Variants in SGCZ observed in about 807,000 individuals in gnomAD.
The protein encoded by SGCZ is sarcoglycan zeta, also known as zeta-sarcoglycan.
Under a neutral mutation model 41.3 loss-of-function variants are expected in SGCZ, and 40 were observed. The observed-to-expected ratio is 0.97, with a 90% confidence interval of 0.75 to 1.26. The LOEUF is 1.26. Among genes scored for constraint, SGCZ ranks in the 50% most tolerant of loss-of-function variants. The pLI is 0.00. For synonymous variants in SGCZ, 206 were observed against 137.5 expected (o/e 1.50, Z -3.49); for missense variants, 552 against 369.8 (o/e 1.49, Z -4.04).
chr8:14,959,671 A>G (rs1419591858), intron 1 of SGCZ, among the ~76,000 whole-genome samples: 1 of 152,168 alleles, frequency 6.6e-6, no homozygotes, highest in Non-Finnish European at 1.5e-5. Context: ...TTCCAGAGAA[A>G]AAGGTAGTCC....
intron 1 of SGCZ, among the ~76,000 whole-genome samples, chr8:15,139,748 T>C (rs1202085783): frequency 1.3e-5 from 2 of 151,592 alleles, no homozygotes; most frequent in Non-Finnish European, 2.9e-5. Flanking sequence ...CTACTTCAGG[T>C]CCTCAGACCT....
At chr8:14,336,368 C>A (rs1802506186) in intron 2 of SGCZ, among the ~76,000 whole-genome samples, 1 of 152,056 alleles carries the variant, frequency 6.6e-6, no homozygotes, top group African/African-American at 2.4e-5. Flanking sequence ...GATTCTATGT[C>A]TTTGATATTA....
At chr8:14,712,208 C>G (rs552224797) in intron 1 of SGCZ, among the ~76,000 whole-genome samples, 1 of 151,154 alleles carries the variant, frequency 6.6e-6, no homozygotes, top group South Asian at 2.1e-4. Flanking sequence ...TTTTCATGAT[C>G]TTGCTTTTGA....
At chr8:14,380,791 G>A (rs750774117) in intron 2 of SGCZ, among the ~76,000 whole-genome samples, 40 of 152,204 alleles carry the variant, frequency 2.6e-4, no homozygotes, top group Non-Finnish European at 4.6e-4. Flanking sequence ...CCCAGGAGGC[G>A]GAGCTTGCAG....
At chr8:15,094,493 G>A (rs910841214) in intron 1 of SGCZ, among the ~76,000 whole-genome samples, 4 of 152,152 alleles carry the variant, frequency 2.6e-5, no homozygotes, top group African/African-American at 9.7e-5. Context: ...CGGGAATTCA[G>A]TGACAGAAAA....
intron 1 of SGCZ, among the ~76,000 whole-genome samples, chr8:14,734,546 A>G (rs1168071295): frequency 6.6e-6 from 1 of 152,158 alleles, no homozygotes; most frequent in African/African-American, 2.4e-5. Context: ...ATATTTGCCC[A>G]TTAGTCTTTT....
chr8:14,356,380 C>G lies in SGCZ; in HGVS notation c.235-32176G>C, dbSNP rs548938445. On this transcript the variant is annotated intron_variant, in intron 2 of 7. Coordinates refer to ENST00000382080, the MANE Select transcript of SGCZ (RefSeq NM_139167.4). ...GGAGTGAGCTATTTTAAAATATGAC[C>G]TACCAAAAATTCCTACATGCTAGAG... is the stretch of plus-strand genomic sequence containing the variant. 2.0e-5 allele frequency among the ~76,000 whole-genome samples: 3 copies of G among 152,134 alleles called. No individual in the cohort carries two copies. In the South Asian group the frequency reaches 6.2e-4, roughly 32 times the overall value.
chr8:14,804,808 A>T (rs1361426510), intron 1 of SGCZ, among the ~76,000 whole-genome samples: 1 of 91,502 alleles, frequency 1.1e-5, no homozygotes, highest in Non-Finnish European at 2.3e-5. Context: ...TGAAGGAAAA[A>T]ATGTTAAGGG....
chr8:15,045,900 A>G (rs1402208788), intron 1 of SGCZ, among the ~76,000 whole-genome samples: 2 of 152,140 alleles, frequency 1.3e-5, no homozygotes, highest in African/African-American at 2.4e-5. Context: ...CCACTCTTTA[A>G]TGAGATAAAC....
intron 1 of SGCZ, among the ~76,000 whole-genome samples, chr8:14,759,974 T>C (rs559021425): frequency 1.3e-4 from 20 of 152,348 alleles, no homozygotes; most frequent in South Asian, 1.0e-3. Context: ...AAGATTTTTC[T>C]AAGGAAAACA....
intron 1 of SGCZ, among the ~76,000 whole-genome samples, chr8:14,648,096 A>T (rs999715449): frequency 2.6e-5 from 4 of 151,874 alleles, no homozygotes; most frequent in African/African-American, 9.7e-5. Flanking sequence ...GCAGGCAAAA[A>T]CTCCAATTCC....
chr8:14,111,728 A>G (rs1183881391), intron 5 of SGCZ, among the ~76,000 whole-genome samples: 3 of 152,202 alleles, frequency 2.0e-5, no homozygotes, highest in African/African-American at 4.8e-5. Context: ...CAAAAGTAGT[A>G]GAAACCATTC....
At chr8:14,830,914 A>G (rs1331754271) in intron 1 of SGCZ, among the ~76,000 whole-genome samples, 3 of 152,228 alleles carry the variant, frequency 2.0e-5, no homozygotes, top group Non-Finnish European at 4.4e-5. Flanking sequence ...TTTCTGGATC[A>G]AAGAAAAATC....
Position 14,684,177 on chromosome 8 carries a change from G to A in SGCZ, c.40-129251C>T, listed in dbSNP as rs576376145. Among the ~76,000 whole-genome samples, 80 of 152,176 alleles carry A rather than the reference G, an allele frequency of 5.3e-4. 1 individual carries two copies. The highest frequency in any genetic ancestry group is 1.6e-3 in the African/African-American group (66 of 41,526). Reference sequence around the variant, plus strand: ...ATTGTTCATTTCTAACTAAATGAACGTCTACATGTACTCACTCCCTTCATA... The same window carrying A: ...ATTGTTCATTTCTAACTAAATGAACATCTACATGTACTCACTCCCTTCATA... On this transcript the variant is annotated intron_variant, in intron 1 of 7. Coordinates refer to ENST00000382080, the MANE Select transcript of SGCZ (RefSeq NM_139167.4).
intron 1 of SGCZ, among the ~76,000 whole-genome samples, chr8:14,914,511 GA>G (rs1298033921): frequency 6.6e-6 from 1 of 150,894 alleles, no homozygotes; most frequent in Non-Finnish European, 1.5e-5. Context: ...AGGTCGTTTG[GA>G]AGCAGGTAAG....
chr8:14,239,548 T>A lies in SGCZ; in HGVS notation c.337-1869A>T, dbSNP rs1343850146. Among the ~76,000 whole-genome samples the A allele has an allele frequency of 2.6e-5, 4 of 152,128 alleles. No individual in the cohort carries two copies. The East Asian group carries it at 5.8e-4, about 22-fold the overall frequency. ...TTTGAGTTACTAGACATATTAAACA[T>A]AAGCTTCTTATGTCAACAATAGAGT... is the stretch of plus-strand genomic sequence containing the variant. On this transcript the variant is annotated intron_variant, in intron 3 of 7. Coordinates refer to ENST00000382080, the MANE Select transcript of SGCZ (RefSeq NM_139167.4).
intron 4 of SGCZ, among the ~76,000 whole-genome samples, chr8:14,202,109 T>C (rs1315153398): frequency 6.6e-6 from 1 of 152,126 alleles, no homozygotes; most frequent in African/African-American, 2.4e-5. Flanking sequence ...AGGGAGAATA[T>C]GCTGGATAAT....
intron 1 of SGCZ, among the ~76,000 whole-genome samples, chr8:15,081,540 A>C (rs1192959954): frequency 6.6e-6 from 1 of 151,038 alleles, no homozygotes; most frequent in Non-Finnish European, 1.5e-5. Context: ...GATAAAATAA[A>C]GAGGTGAAAA....
At chr8:15,174,995 C>T (rs1799954648) in intron 1 of SGCZ, among the ~76,000 whole-genome samples, 1 of 152,040 alleles carries the variant, frequency 6.6e-6, no homozygotes, top group South Asian at 2.1e-4. Flanking sequence ...ACACCTAATG[C>T]ACGTGGGGCT....
Sources: gnomAD v4.1 joint callset for allele counts (sites outside exome capture counted in the v4.1 genomes callset) on GRCh38, gnomAD v4.1.1 for gene constraint, MANE v1.5 for transcripts, NCBI Gene and HGNC (gene_info 2026-07-23, HGNC 2026-07-21) for gene names.